Variants in MAGEA11 observed in about 807,000 individuals in gnomAD.
MAGEA11 encodes the protein melanoma-associated antigen 11.
MAGEA11 carries 1 observed loss-of-function variant against 8.4 expected under a neutral mutation model. The ratio of observed to expected loss-of-function variants is 0.12; its 90% CI spans 0.04 to 0.57. The LOEUF (loss-of-function observed/expected upper bound fraction) is 0.57. Ranked by LOEUF, MAGEA11 falls within the 20% of genes least tolerant of loss-of-function variation. MAGEA11 has a pLI of 0.91. For synonymous variants in MAGEA11, 127 were observed against 119.3 expected (o/e 1.06, Z -0.42); for missense variants, 209 against 317.3 (o/e 0.66, Z 2.59).
chrX:149,697,859 T>TGA (rs1355124557), intron 1 of MAGEA11, among the ~76,000 whole-genome samples: 5 of 111,763 alleles, frequency 4.5e-5, no homozygotes, highest in African/African-American at 1.6e-4. Context: ...CTCATGATAC[T>TGA]GACTGAGTTT....
intron 1 of MAGEA11, among the ~76,000 whole-genome samples, chrX:149,701,859 C>A (rs1246229342): frequency 9.0e-6 from 1 of 111,545 alleles, no homozygotes; most frequent in African/African-American, 3.3e-5. Flanking sequence ...TCAGGTTTGT[C>A]CAAGATGAGA....
At chrX:149,704,889 G>A (rs1318677516) in intron 1 of MAGEA11, among the ~76,000 whole-genome samples, 1 of 112,856 alleles carries the variant, frequency 8.9e-6, no homozygotes, top group East Asian at 2.8e-4. Flanking sequence ...GTAGGACGGA[G>A]CGCAGTGCTC....
chrX:149,703,073 G>A (rs1363228603), intron 1 of MAGEA11, among the ~76,000 whole-genome samples: 1 of 111,438 alleles, frequency 9.0e-6, no homozygotes, highest in Non-Finnish European at 1.9e-5. Context: ...ATGACAAGCA[G>A]ATGGAGAAAA....
At position 149,713,410 on chromosome X, in the gene MAGEA11, G is replaced by A. The variant is rs181862321; in HGVS notation, c.96+155G>A. The A allele has an allele frequency of 5.6e-5, 22 of 389,971 alleles. No individual in the cohort carries two copies. In the African/African-American group the frequency reaches 5.9e-4, roughly 10 times the overall value. The allele number at this position is 389,971 out of a possible 1,213,427, so 32.1% of individuals were successfully genotyped here. On this transcript the variant is annotated intron_variant, in intron 2 of 4. Coordinates refer to ENST00000355220, the MANE Select transcript of MAGEA11 (RefSeq NM_005366.5). The stretch of plus-strand genomic sequence containing the variant: ...GGAGGAGTCCCAGAGGGAGGACTCA[G>A]GCAACCAATTATCCCTGAGGTAGAA...
intron 1 of MAGEA11, among the ~76,000 whole-genome samples, chrX:149,701,062 G>A (rs369362966): frequency 1.8e-5 from 2 of 111,271 alleles, no homozygotes; most frequent in African/African-American, 6.5e-5. Context: ...ATGATTTATA[G>A]TCTTTTGGGT....
At chrX:149,698,799 T>C (rs1350426091) in intron 1 of MAGEA11, among the ~76,000 whole-genome samples, 1 of 111,042 alleles carries the variant, frequency 9.0e-6, no homozygotes, top group Non-Finnish European at 1.9e-5. Context: ...CCCCATTGTA[T>C]GTTGTTCCCC....
Position 149,716,160 on chromosome X carries a change from A to G in MAGEA11, c.674A>G (p.Lys225Arg). ...ESFSQDILHD[K>R]IIDLVHLLLR... ...TTTTCCCAAGATATACTACATGACA[A>G]GATAATTGATTTGGTTCATTTATTG... The change falls in exon 5 of 5, where the codon AAG (lysine) becomes AGG (arginine). Residue 225 changes from lysine to arginine, a missense_variant. Around this residue, in one of 2 missense-constraint regions of MAGEA11, gnomAD observed 78 missense variants for 178.8 expected, o/e 0.44. Transcript: ENST00000355220. 1 of 1,212,073 alleles carries G rather than the reference A, an allele frequency of 8.3e-7. No homozygotes were observed. Among genetic ancestry groups the G allele is most frequent in the Non-Finnish European group, 1.1e-6 (1 of 895,546 alleles).
At chrX:149,705,751 C>T (rs1239843982) in intron 1 of MAGEA11, among the ~76,000 whole-genome samples, 1 of 111,598 alleles carries the variant, frequency 9.0e-6, no homozygotes, top group African/African-American at 3.3e-5. Flanking sequence ...ACAGGAAGGC[C>T]CCCATCTGCT....
At chrX:149,706,880 T>C (rs1292736425) in intron 1 of MAGEA11, among the ~76,000 whole-genome samples, 2 of 112,115 alleles carry the variant, frequency 1.8e-5, no homozygotes, top group Non-Finnish European at 3.8e-5. Context: ...CTGTGTTAAC[T>C]TGCATATCCA....
chrX:149,700,537 CT>C (rs55944215), intron 1 of MAGEA11, among the ~76,000 whole-genome samples: 3,208 of 99,499 alleles, frequency 0.032, 124 homozygotes, highest in African/African-American at 0.11. Context: ...TTATTAATTT[CT>C]TTTTTTTTTT....
chrX:149,701,546 G>C (rs1330291034), intron 1 of MAGEA11, among the ~76,000 whole-genome samples: 2 of 108,646 alleles, frequency 1.8e-5, no homozygotes, highest in Non-Finnish European at 3.8e-5. Context: ...AGTTTCTTTT[G>C]CTGTGCAGAA....
intron 1 of MAGEA11, among the ~76,000 whole-genome samples, chrX:149,700,984 G>A (rs1214641751): frequency 9.2e-6 from 1 of 108,281 alleles, no homozygotes; most frequent in African/African-American, 3.4e-5. Context: ...ATTTGGGTTG[G>A]TTCCAAGTCT....
chrX:149,708,310 G>C, upstream of MAGEA11, among the ~76,000 whole-genome samples: 1 of 111,749 alleles, frequency 8.9e-6, no homozygotes, highest in East Asian at 2.8e-4. Context: ...TGAAAGGTCA[G>C]GATCCAACTA....
chrX:149,692,370 G>A (rs781857968), intron 1 of MAGEA11, among the ~76,000 whole-genome samples: 5 of 109,887 alleles, frequency 4.6e-5, no homozygotes, highest in Non-Finnish European at 9.5e-5. Flanking sequence ...TCACAACACT[G>A]CACAACAGCT....
intron 1 of MAGEA11, among the ~76,000 whole-genome samples, chrX:149,698,784 A>G (rs1208944062): frequency 1.8e-5 from 2 of 110,809 alleles, no homozygotes; most frequent in African/African-American, 6.6e-5. Context: ...TGCACCACCG[A>G]CAGGCCCCAT....
intron 1 of MAGEA11, among the ~76,000 whole-genome samples, chrX:149,703,247 A>T (rs1334997920): frequency 1.8e-5 from 2 of 112,762 alleles, no homozygotes; most frequent in African/African-American, 6.4e-5. Flanking sequence ...GCACAAAAAG[A>T]GATTTATACT....
chrX:149,714,327 A>G (rs2090416496), intron 2 of MAGEA11, 154 bp from the exon 3 acceptor site: 8 of 828,276 alleles, frequency 9.7e-6, no homozygotes, highest in Non-Finnish European at 1.3e-5. Context: ...TCAAGGAAGG[A>G]CAGGCCCTGG....
intron 1 of MAGEA11, among the ~76,000 whole-genome samples, chrX:149,700,713 C>A (rs1397005411): frequency 2.0e-5 from 2 of 98,836 alleles, no homozygotes; most frequent in Non-Finnish European, 4.1e-5. Context: ...TATCCCTCCC[C>A]CCTCCCCTGA....
rs1276686450 is a variant in MAGEA11 at position 149,716,539 on chromosome X, C to G, written c.1053C>G (p.Leu351=). 8.3e-7 allele frequency: 1 copy of G among 1,211,534 alleles called. No individual in the cohort carries two copies. Among genetic ancestry groups the G allele is most frequent in the Non-Finnish European group, 1.1e-6 (1 of 895,329 alleles). ...MGVYAGREHF[L]FGEPKRLLTQ... ...TGTATGCTGGAAGGGAGCACTTCCT[C>G]TTTGGGGAGCCCAAGAGGCTCCTTA... Residue 351 remains leucine, a synonymous_variant, in exon 5 of 5, where the codon CTC becomes CTG. Transcript: ENST00000355220.
Sources: allele counts gnomAD v4.1 joint callset (sites outside exome capture counted in the v4.1 genomes callset), GRCh38; gene constraint gnomAD v4.1.1; regional missense constraint gnomAD v4.1.1; transcripts MANE v1.5; gene names NCBI Gene and HGNC (gene_info 2026-07-23, HGNC 2026-07-21).